The following HEATR3 variants were observed in gnomAD, a reference collection of about 807,000 sequenced individuals.
The protein encoded by HEATR3 is HEAT repeat containing 3.
HEATR3 carries 56 observed loss-of-function variants against 72.8 expected under a neutral mutation model. The ratio of observed to expected loss-of-function variants is 0.77; its 90% CI spans 0.62 to 0.96. The LOEUF (loss-of-function observed/expected upper bound fraction) is 0.96. Ranked by LOEUF, HEATR3 falls within the 40% of genes least tolerant of loss-of-function variation. The pLI is 0.00. For synonymous variants in HEATR3, 331 were observed against 318.1 expected, an observed-to-expected ratio of 1.04 and a Z score of -0.43; for missense variants, 747 against 831.4, an observed-to-expected ratio of 0.90 and a Z score of 1.25.
chr16:50,080,176 C>T (rs183794415), intron 7 of HEATR3: 5 of 152,030 alleles, frequency 3.3e-5, no homozygotes, highest in Non-Finnish European at 7.4e-5. Flanking sequence ...TACCTGTGTT[C>T]GTGATGTCTC....
At chr16:50,098,867 CT>C (rs2037305101) in intron 12 of HEATR3, among the ~76,000 whole-genome samples, 1 of 151,984 alleles carries the variant, frequency 6.6e-6, no homozygotes, top group Admixed American at 6.6e-5. Context: ...CTATTATTTG[CT>C]TTATCCTACG....
intron 11 of HEATR3, among the ~76,000 whole-genome samples, chr16:50,091,483 T>TA (rs1415081909): frequency 6.6e-6 from 1 of 150,972 alleles, no homozygotes; most frequent in East Asian, 2.0e-4. Flanking sequence ...ATAATAATAA[T>TA]AAAAAAATTT....
At chr16:50,101,384 G>A (rs1001723140) in intron 13 of HEATR3, among the ~76,000 whole-genome samples, 1 of 152,100 alleles carries the variant, frequency 6.6e-6, no homozygotes, top group Non-Finnish European at 1.5e-5. Flanking sequence ...CCAGAGTGCT[G>A]GGATTACAGG....
At chr16:50,083,268 AT>A (rs1367210325) in intron 7 of HEATR3, among the ~76,000 whole-genome samples, 1 of 152,228 alleles carries the variant, frequency 6.6e-6, no homozygotes. Flanking sequence ...CAATTTGATA[AT>A]TAAGGTTATA....
At chr16:50,072,786 G>T in intron 5 of HEATR3, 72 bp downstream of exon 5, 2 of 904,794 alleles carry the variant, frequency 2.2e-6, no homozygotes, top group Non-Finnish European at 3.7e-6. Context: ...CAGCTTTGGC[G>T]TGTTTATTCC....
chr16:50,104,487 C>G (rs1420366540), intron 14 of HEATR3, among the ~76,000 whole-genome samples: 1 of 152,122 alleles, frequency 6.6e-6, no homozygotes, highest in Non-Finnish European at 1.5e-5. Flanking sequence ...GCCTCGGCCT[C>G]CCAAACTGCT....
At chr16:50,097,257 T>G (rs1400318803) in intron 12 of HEATR3, among the ~76,000 whole-genome samples, 1 of 151,886 alleles carries the variant, frequency 6.6e-6, no homozygotes, top group Middle Eastern at 3.2e-3. Context: ...TGTGGTTGCC[T>G]GGCTCCATTA....
chr16:50,089,916 C>T (rs572224388), intron 11 of HEATR3, among the ~76,000 whole-genome samples: 535 of 152,230 alleles, frequency 3.5e-3, no homozygotes, highest in Admixed American at 8.0e-3. Context: ...CCACCCGCCT[C>T]GACCTCCCAA....
intron 11 of HEATR3, among the ~76,000 whole-genome samples, chr16:50,091,960 A>C (rs1008229772): frequency 7.2e-5 from 11 of 152,114 alleles, no homozygotes; most frequent in African/African-American, 2.7e-4. Context: ...TAAATCTATA[A>C]ATTCATAATT....
chr16:50,067,510 C>T (rs931993548), intron 2 of HEATR3, among the ~76,000 whole-genome samples: 10 of 87,550 alleles, frequency 1.1e-4, no homozygotes, highest in Non-Finnish European at 1.3e-4. Flanking sequence ...CGTGGTTAAA[C>T]AGCAGAGAGG....
At chr16:50,072,087 TTAAAAAA>T (rs1197704852) in intron 4 of HEATR3, among the ~76,000 whole-genome samples, 1 of 152,218 alleles carries the variant, frequency 6.6e-6, no homozygotes, top group Non-Finnish European at 1.5e-5. Context: ...ATATAGTAGG[TTAAAAAA>T]TAAAAAATAA....
rs1259180517 is a variant in HEATR3, at chr16:50,105,271, G to A, written c.*210G>A. 6.6e-6 allele frequency: 3 copies of A among 451,870 alleles called. No individual in the cohort carries two copies. The highest frequency in any genetic ancestry group is 2.0e-5 in the African/African-American group (1 of 49,144). The allele number at this position is 451,870 out of a possible 1,614,324, so 28.0% of individuals were successfully genotyped here. Reference sequence around the variant, plus strand: ...GACCGAGGCGGGTGGATCACTTGAGGTCAGGAGTTTGAGGCCAGCCTGGCC... The same window carrying A: ...GACCGAGGCGGGTGGATCACTTGAGATCAGGAGTTTGAGGCCAGCCTGGCC... On this transcript the variant is annotated 3_prime_UTR_variant, in exon 15 of 15. Transcript: ENST00000299192.
intron 4 of HEATR3, among the ~76,000 whole-genome samples, chr16:50,072,353 A>G (rs188007852): frequency 0.02 from 3,103 of 152,304 alleles, 109 homozygotes; most frequent in African/African-American, 0.072. Context: ...CTAACCTTCT[A>G]TAAGGAAACT....
In HEATR3 at chr16:50,105,313, A is replaced by G. The variant is rs1424622216; in HGVS notation, c.*252A>G. ...AGCCTGGCCAACATGGTGAAACCGCATGCATAAGCATGGTGGCACATGCCT... is the reference window on the plus strand; with the variant it reads ...AGCCTGGCCAACATGGTGAAACCGCGTGCATAAGCATGGTGGCACATGCCT... On this transcript the variant is annotated 3_prime_UTR_variant, in exon 15 of 15. Transcript: ENST00000299192. 2.7e-5 allele frequency: 10 copies of G among 365,926 alleles called. No individual in the cohort carries two copies. The highest frequency in any genetic ancestry group is 2.0e-5 in the Non-Finnish European group (4 of 197,252). 22.7% of individuals were successfully genotyped at this position (365,926 alleles called of 1,614,324 possible).
chr16:50,104,472 C>A (rs1014862302), intron 14 of HEATR3, among the ~76,000 whole-genome samples: 1 of 152,114 alleles, frequency 6.6e-6, no homozygotes, highest in East Asian at 1.9e-4. Context: ...TCAAGCAAAC[C>A]TCCTGCCTCG....
At position 50,098,549 on chromosome 16, in the gene HEATR3, A is replaced by G. The variant is rs894022957; in HGVS notation, c.1600-1681A>G. Among the ~76,000 whole-genome samples, 93 of 152,030 alleles carry G rather than the reference A, an allele frequency of 6.1e-4. 3 individuals are homozygous for G. Among genetic ancestry groups the G allele is most frequent in the African/African-American group, 2.2e-4 (9 of 41,406 alleles). On this transcript the variant is annotated intron_variant, in intron 12 of 14. Coordinates refer to ENST00000299192, the MANE Select transcript of HEATR3 (RefSeq NM_182922.4). Reference sequence around the variant, plus strand: ...CGGGTGCCTGTAGTTCTGGCTACTCAGGAGACTGAGGCAGAAGAATGGTGT... The same window carrying G: ...CGGGTGCCTGTAGTTCTGGCTACTCGGGAGACTGAGGCAGAAGAATGGTGT...
At chr16:50,084,704 T>C in intron 10 of HEATR3, 53 bp downstream of exon 10, 4 of 1,358,844 alleles carry the variant, frequency 2.9e-6, no homozygotes, top group Non-Finnish European at 4.2e-6. Flanking sequence ...TTTTATGAAA[T>C]GATGGGCTAT....
At chr16:50,074,981 C>CA (rs71138029) in intron 5 of HEATR3, 87,726 of 146,792 alleles carry the variant, frequency 0.6, 28,524 homozygotes, top group South Asian at 0.72. Flanking sequence ...GACTCCATCT[C>CA]AAAAAAAAAA....
Position 50,102,266 on chromosome 16 carries a change from G to C in HEATR3, c.1751G>C (p.Gly584Ala), listed in dbSNP as rs917466219. 1 of 1,611,846 alleles carries C rather than the reference G, an allele frequency of 6.2e-7. No individual in the cohort carries two copies. Among genetic ancestry groups the C allele is most frequent in the African/African-American group, 1.3e-5 (1 of 74,814 alleles). Residue 584 changes from glycine (G) to alanine (A), a missense_variant, in exon 14 of 15, where the codon GGG becomes GCG. This residue lies in a region of HEATR3 where 586 missense variants were observed against 708.8 expected (regional missense o/e 0.83). Coordinates refer to ENST00000299192, the MANE Select transcript of HEATR3 (RefSeq NM_182922.4). ...GTGTTTTGTTGTTTCCAGAACATTG[G>C]GTGCTTTCTGCTTGAAGTTACCACC... ...DGTLETLKNIGCFLLEVTTKD... is the reference protein window; with the variant it reads ...DGTLETLKNIACFLLEVTTKD...
Sources: allele counts gnomAD v4.1 joint callset (sites outside exome capture counted in the v4.1 genomes callset), GRCh38; gene constraint gnomAD v4.1.1; regional missense constraint gnomAD v4.1.1; transcripts MANE v1.5; gene names NCBI Gene and HGNC (gene_info 2026-07-23, HGNC 2026-07-21).